PAPPA2: variants seen among roughly 807,000 people sequenced by gnomAD.
PAPPA2 encodes pappalysin-2.
Under a neutral mutation model 176.4 loss-of-function variants are expected in PAPPA2, and 86 were observed. That is an observed-to-expected ratio of 0.49 (90% confidence interval 0.41 to 0.58). PAPPA2 has a LOEUF of 0.58. Ranked by LOEUF, PAPPA2 falls within the 20% of genes least tolerant of loss-of-function variation. PAPPA2 has a pLI of 0.00. For missense variants in PAPPA2, 2,073 were observed against 2,256.9 expected, an observed-to-expected ratio of 0.92 and a Z score of 1.65; for synonymous variants, 809 against 852.2, an observed-to-expected ratio of 0.95 and a Z score of 0.88.
At chr1:176,684,063 A>G (rs1433949596) in intron 4 of PAPPA2, among the ~76,000 whole-genome samples, 2 of 152,110 alleles carry the variant, frequency 1.3e-5, no homozygotes, top group Non-Finnish European at 2.9e-5. Flanking sequence ...TGCGGGCTAA[A>G]CCATGGATGG....
intron 1 of PAPPA2, among the ~76,000 whole-genome samples, chr1:176,469,537 C>T (rs551282309): frequency 3.3e-5 from 5 of 152,284 alleles, no homozygotes; most frequent in African/African-American, 7.2e-5. Flanking sequence ...AAGTGCTTGT[C>T]GTCCTTCAGA....
rs775583017 is a variant in PAPPA2, at chr1:176,699,007, C to T, written c.2747-93C>T. 133 of 1,439,084 alleles carry T rather than the reference C, an allele frequency of 9.2e-5. 1 individual carries two copies. Among genetic ancestry groups the T allele is most frequent in the Non-Finnish European group, 1.2e-4 (126 of 1,069,606 alleles). 89.1% of individuals were successfully genotyped at this position (1,439,084 alleles called of 1,614,324 possible). A position where few individuals can be genotyped will look rare whatever the true frequency, so the allele number is the denominator to read the frequency against. On this transcript the variant is annotated intron_variant, in intron 7 of 22. Coordinates refer to ENST00000367662, the MANE Select transcript of PAPPA2 (RefSeq NM_020318.3). ...CTTCTACAGGAATTCTAAAAGTTCT[C>T]TCCATAGTTCCTCTTTCTGGCTGCT...
intron 12 of PAPPA2, among the ~76,000 whole-genome samples, chr1:176,714,237 A>G (rs1661270589): frequency 6.6e-6 from 1 of 152,214 alleles, no homozygotes; most frequent in Admixed American, 6.5e-5. Flanking sequence ...AAAAAATCTA[A>G]TTCAAGCCTG....
Position 176,800,161 on chromosome 1 carries a change from G to C in PAPPA2, c.5202+29G>C, listed in dbSNP as rs760096060. The C allele has an allele frequency of 2.2e-5, 36 of 1,609,218 alleles. No individual in the cohort carries two copies. In the South Asian group the frequency reaches 3.9e-4, roughly 17 times the overall value. On this transcript the variant is annotated intron_variant, in intron 21 of 22. Coordinates refer to ENST00000367662, the MANE Select transcript of PAPPA2 (RefSeq NM_020318.3). ...AGATAGCCTCCCCTTCCCCAACTCA[G>C]ACTAGAGAACTCAGGTGGATTTAAC...
intron 12 of PAPPA2, among the ~76,000 whole-genome samples, chr1:176,731,682 T>C (rs1246001538): frequency 2.1e-4 from 31 of 151,174 alleles, no homozygotes; most frequent in African/African-American, 7.1e-4. Context: ...TATGTGTATA[T>C]ATACATATAT....
At chr1:176,514,186 G>A (rs563210617) in intron 1 of PAPPA2, among the ~76,000 whole-genome samples, 12 of 152,144 alleles carry the variant, frequency 7.9e-5, no homozygotes, top group Non-Finnish European at 1.8e-4. Context: ...TTCTGGTGAG[G>A]CCTCAGGATG....
intron 2 of PAPPA2, among the ~76,000 whole-genome samples, chr1:176,582,049 G>T (rs200580492): frequency 6.7e-6 from 1 of 149,662 alleles, no homozygotes; most frequent in Non-Finnish European, 1.5e-5. Context: ...TCAGCCTCCC[G>T]AGTAGCTGGG....
At chr1:176,689,896 A>G (rs1017532204) in intron 4 of PAPPA2, among the ~76,000 whole-genome samples, 1 of 152,300 alleles carries the variant, frequency 6.6e-6, no homozygotes, top group Non-Finnish European at 1.5e-5. Flanking sequence ...TTATGTCAAC[A>G]TTGCTATCCT....
chr1:176,486,908 A>T (rs991526737), intron 1 of PAPPA2, among the ~76,000 whole-genome samples: 1 of 149,516 alleles, frequency 6.7e-6, no homozygotes, highest in Non-Finnish European at 1.5e-5. Context: ...TAGGGAAAGG[A>T]GCTAATGTGA....
intron 3 of PAPPA2, among the ~76,000 whole-genome samples, chr1:176,609,410 A>G (rs535839189): frequency 2.6e-5 from 4 of 152,298 alleles, no homozygotes; most frequent in African/African-American, 9.6e-5. Flanking sequence ...AAATGTGTAG[A>G]TCAAAGGCCA....
At chr1:176,473,611 G>A (rs1434834200) in intron 1 of PAPPA2, among the ~76,000 whole-genome samples, 3 of 152,292 alleles carry the variant, frequency 2.0e-5, no homozygotes, top group East Asian at 1.9e-4. Flanking sequence ...CTTCCAAAAT[G>A]TTTTCCAAAG....
chr1:176,514,624 T>A (rs909725569), intron 1 of PAPPA2, among the ~76,000 whole-genome samples: 9 of 152,238 alleles, frequency 5.9e-5, no homozygotes, highest in African/African-American at 2.2e-4. Context: ...CACTGCAGCC[T>A]AGGCTCATCA....
At chr1:176,569,535 C>T (rs761202273) in intron 2 of PAPPA2, among the ~76,000 whole-genome samples, 1 of 152,196 alleles carries the variant, frequency 6.6e-6, no homozygotes, top group South Asian at 2.1e-4. Flanking sequence ...TTCCATTTTA[C>T]TTCTCATTAA....
At chr1:176,616,567 G>GT in intron 3 of PAPPA2, 1 of 1,459,496 alleles carries the variant, frequency 6.9e-7, no homozygotes, top group Admixed American at 1.7e-5. Flanking sequence ...TTGGATGGTG[G>GT]TGCACCATCA....
intron 4 of PAPPA2, among the ~76,000 whole-genome samples, chr1:176,680,096 G>A (rs1414090556): frequency 6.6e-6 from 1 of 152,152 alleles, no homozygotes; most frequent in Non-Finnish European, 1.5e-5. Context: ...GTCTAAATTA[G>A]TGTAAAAATC....
chr1:176,740,189 G>A lies in PAPPA2; in HGVS notation c.4144G>A (p.Gly1382Arg). Residue 1382 changes from glycine to arginine, a missense_variant, in exon 14 of 23, where the codon GGA becomes AGA. Coordinates refer to ENST00000367662, the MANE Select transcript of PAPPA2 (RefSeq NM_020318.3). ...AGAGGACGAGGGGCAGAATCATCAG[G>A]GACAGAGGTACAAACTTCCCTTTCT... The part of the protein sequence containing the change: ...ISEDEGQNHQ[G>R]QSCIHRPCGK... 1 of 1,613,372 alleles carries A rather than the reference G, an allele frequency of 6.2e-7. No individual in the cohort carries two copies. Among genetic ancestry groups the A allele is most frequent in the Non-Finnish European group, 8.5e-7 (1 of 1,179,608 alleles).
At chr1:176,686,635 C>T (rs955179312) in intron 4 of PAPPA2, among the ~76,000 whole-genome samples, 1 of 152,174 alleles carries the variant, frequency 6.6e-6, no homozygotes, top group Non-Finnish European at 1.5e-5. Flanking sequence ...TTTCCCCTTT[C>T]CCTCATGCTG....
chr1:176,781,431 G>T (rs1295226197), intron 17 of PAPPA2, among the ~76,000 whole-genome samples: 1 of 108,354 alleles, frequency 9.2e-6, no homozygotes, highest in African/African-American at 3.6e-5. Context: ...AATATGTCTT[G>T]TTGGATAGTC....
At chr1:176,495,785 A>G (rs907765009) in intron 1 of PAPPA2, among the ~76,000 whole-genome samples, 21 of 149,754 alleles carry the variant, frequency 1.4e-4, no homozygotes, top group African/African-American at 5.2e-4. Flanking sequence ...AAAATAAATA[A>G]ATTTTGGTGT....
Sources: allele counts gnomAD v4.1 joint callset (sites outside exome capture counted in the v4.1 genomes callset), GRCh38; gene constraint gnomAD v4.1.1; transcripts MANE v1.5; gene names NCBI Gene and HGNC (gene_info 2026-07-23, HGNC 2026-07-21).